The following RCN3 variants were observed in gnomAD, a reference collection of about 807,000 sequenced individuals.
The protein encoded by RCN3 is reticulocalbin-3.
A neutral mutation model predicts 35.9 loss-of-function variants in RCN3; 41 were observed. That is an observed-to-expected ratio of 1.14 (90% CI 0.89 to 1.48). The LOEUF (loss-of-function observed/expected upper bound fraction) is 1.48, where lower values mean the gene tolerates loss of function less well. Ranked by LOEUF, RCN3 falls within the 40% of genes most tolerant of loss-of-function variation. RCN3 has a pLI of 0.00. For missense variants in RCN3, 451 were observed against 471.3 expected (o/e 0.96, Z 0.40); for synonymous variants, 187 against 193.4 (o/e 0.97, Z 0.27).
chr19:49,543,522 A>C lies in RCN3; in HGVS notation c.*309A>C. The C allele has an allele frequency of 1.1e-5, 4 of 371,926 alleles. No homozygotes were observed. Among genetic ancestry groups the C allele is most frequent in the East Asian group, 5.2e-5 (1 of 19,364 alleles). The allele number at this position is 371,926 out of a possible 1,614,324, so 23.0% of individuals were successfully genotyped here. On this transcript the variant is annotated 3_prime_UTR_variant, in exon 7 of 7. Coordinates refer to ENST00000270645, the MANE Select transcript of RCN3 (RefSeq NM_020650.3). ...ACCGCCCCAACCCCTCCAGCTCCAA[A>C]TCTGAGCCTCCACCACATAGACTGA...
At chr19:49,530,068 C>G (rs561232480) in intron 2 of RCN3, among the ~76,000 whole-genome samples, 1 of 151,996 alleles carries the variant, frequency 6.6e-6, no homozygotes, top group Non-Finnish European at 1.5e-5. Flanking sequence ...TGTTCTGCCT[C>G]GTACTCCCTA....
chr19:49,528,729 C>T lies in RCN3; in HGVS notation c.242+15C>T, dbSNP rs1339818985. 2 of 1,553,728 alleles carry T rather than the reference C, an allele frequency of 1.3e-6. No individual in the cohort carries two copies. The highest frequency in any genetic ancestry group is 1.7e-6 in the Non-Finnish European group (2 of 1,147,446). ...GCCCGTCTGGGGTAAGAGAGACATTCGGTTGGGGCGTGTCCAGAGGTGGGG... is the reference window on the plus strand; with the variant it reads ...GCCCGTCTGGGGTAAGAGAGACATTTGGTTGGGGCGTGTCCAGAGGTGGGG... On this transcript the variant is annotated intron_variant, in intron 2 of 6. Transcript: ENST00000270645.
At chr19:49,538,926 T>A (rs970564209) in intron 4 of RCN3, among the ~76,000 whole-genome samples, 193 bp from the exon 5 acceptor site, 1 of 152,158 alleles carries the variant, frequency 6.6e-6, no homozygotes, top group Non-Finnish European at 1.5e-5. Context: ...AGGTGGTGCC[T>A]GTTTGATGAT....
In RCN3 at chr19:49,534,179, G is replaced by C; in HGVS notation, c.243-14G>C. ...CGGGACCAGAGCCTGACGTGTGCCC[G>C]CCCCGGCTTCTAGGCGGATCGTGGA... On this transcript the variant is annotated splice_polypyrimidine_tract_variant and intron_variant, in intron 2 of 6. Coordinates refer to ENST00000270645, the MANE Select transcript of RCN3 (RefSeq NM_020650.3). 2 of 1,479,150 alleles carry C rather than the reference G, an allele frequency of 1.4e-6. No individual in the cohort carries two copies. Among genetic ancestry groups the C allele is most frequent in the Non-Finnish European group, 1.8e-6 (2 of 1,120,698 alleles). The allele number at this position is 1,479,150 out of a possible 1,614,324, so 91.6% of individuals were successfully genotyped here. A position where few individuals can be genotyped will look rare whatever the true frequency, so the allele number is the denominator to read the frequency against.
chr19:49,534,964 C>T (rs564065431), intron 3 of RCN3, among the ~76,000 whole-genome samples: 2 of 152,214 alleles, frequency 1.3e-5, no homozygotes, highest in African/African-American at 4.8e-5. Flanking sequence ...GTGCCCCACA[C>T]CCTGCCACAC....
At chr19:49,529,244 C>T (rs2080096865) in intron 2 of RCN3, among the ~76,000 whole-genome samples, 1 of 152,140 alleles carries the variant, frequency 6.6e-6, no homozygotes, top group Admixed American at 6.6e-5. Flanking sequence ...TTAGATTCTG[C>T]CCCCTAAGCG....
intron 2 of RCN3, among the ~76,000 whole-genome samples, chr19:49,533,002 C>A (rs1330650525): frequency 6.6e-6 from 1 of 152,220 alleles, no homozygotes; most frequent in African/African-American, 2.4e-5. Context: ...CATGGCCTAA[C>A]TCATTTATTC....
chr19:49,531,482 G>C (rs897730080), intron 2 of RCN3, among the ~76,000 whole-genome samples: 1 of 152,206 alleles, frequency 6.6e-6, no homozygotes, highest in African/African-American at 2.4e-5. Flanking sequence ...ATTGAGAGTA[G>C]AACTGAGGGA....
rs1204805923 is a variant in RCN3 at position 49,530,494 on chromosome 19, T to C, written c.242+1780T>C. On this transcript the variant is annotated intron_variant, in intron 2 of 6. Transcript: ENST00000270645. ...CCAGGCCCAGGTAATTTTTCTTTTT[T>C]TTCTTTTTTTTTTTTTTTTGAGACG... Among the ~76,000 whole-genome samples, 6 of 145,354 alleles carry C rather than the reference T, an allele frequency of 4.1e-5. No homozygotes were observed. In the South Asian group the frequency reaches 1.1e-3, roughly 26 times the overall value.
chr19:49,539,216 C>T (rs376461463), intron 5 of RCN3, 37 bp downstream of exon 5: 96 of 1,535,766 alleles, frequency 6.3e-5, no homozygotes, highest in Non-Finnish European at 8.4e-5. Context: ...GATGCCTGTC[C>T]TCTCTCAGGC....
At chr19:49,537,355 C>G in intron 4 of RCN3, 150 bp downstream of exon 4, 1 of 734,298 alleles carries the variant, frequency 1.4e-6, no homozygotes, top group Non-Finnish European at 2.0e-6. Context: ...AAACACAGGT[C>G]AGAGGACGGT....
intron 4 of RCN3, among the ~76,000 whole-genome samples, chr19:49,538,232 G>T (rs1011151973): frequency 1.4e-5 from 2 of 147,318 alleles, no homozygotes; most frequent in Admixed American, 6.9e-5. Flanking sequence ...ATGCGATCTC[G>T]GCTCACTGCA....
chr19:49,539,029 A>G, intron 4 of RCN3, 90 bp from the exon 5 acceptor site: 2 of 886,008 alleles, frequency 2.3e-6, no homozygotes, highest in Non-Finnish European at 3.4e-6. Context: ...TAAATTTCCA[A>G]GAGAACCTCT....
chr19:49,541,478 A>G (rs1024944005), intron 5 of RCN3, among the ~76,000 whole-genome samples: 3 of 152,110 alleles, frequency 2.0e-5, no homozygotes, highest in African/African-American at 4.8e-5. Context: ...GGTGGGTGCC[A>G]TGGCTCACGC....
chr19:49,537,204 CTG>C lies in RCN3; in HGVS notation c.618+2_618+3del, dbSNP rs752530035. On this transcript the variant is annotated splice_donor_variant and coding_sequence_variant, in exon 4 of 7. Coordinates refer to ENST00000270645, the MANE Select transcript of RCN3 (RefSeq NM_020650.3). LOFTEE classifies it high-confidence loss of function. Reference sequence around the variant, plus strand: ...CCTCACATGCGGGACATCGTGATTGCTGTGAGTGGCGGCTGGGGAACCCTGTC... The same window carrying C: ...CCTCACATGCGGGACATCGTGATTGCTGAGTGGCGGCTGGGGAACCCTGTC... The C allele has an allele frequency of 1.4e-5, 21 of 1,505,036 alleles. No homozygotes were observed. The African/African-American group carries it at 2.3e-4, about 16-fold the overall frequency. The allele number at this position is 1,505,036 out of a possible 1,614,324, so 93.2% of individuals were successfully genotyped here.
chr19:49,542,456 G>A (rs755208716), intron 5 of RCN3, 97 bp from the exon 6 acceptor site: 12 of 824,822 alleles, frequency 1.5e-5, no homozygotes, highest in Non-Finnish European at 2.3e-5. Context: ...GTTGCTCAAG[G>A]GCCTGGTTCA....
intron 6 of RCN3, 42 bp from the exon 7 acceptor site, chr19:49,543,064 C>A: frequency 6.6e-7 from 1 of 1,522,990 alleles, no homozygotes; most frequent in Non-Finnish European, 9.1e-7. Flanking sequence ...CTTTTGAAAG[C>A]AGGGCCGTGT....
chr19:49,537,346 AAC>A, intron 4 of RCN3, 141 bp downstream of exon 4: 1 of 811,524 alleles, frequency 1.2e-6, no homozygotes, highest in Non-Finnish European at 1.8e-6. Context: ...CCAGGCCGCA[AAC>A]ACAGGTCAGA....
chr19:49,534,011 G>C (rs1237604279), intron 2 of RCN3, among the ~76,000 whole-genome samples, 182 bp from the exon 3 acceptor site: 2 of 152,174 alleles, frequency 1.3e-5, no homozygotes, highest in Non-Finnish European at 2.9e-5. Context: ...CCTAGGCTGA[G>C]GGGTAGGGTC....
Sources: allele counts gnomAD v4.1 joint callset (sites outside exome capture counted in the v4.1 genomes callset), GRCh38; gene constraint gnomAD v4.1.1; transcripts MANE v1.5; gene names NCBI Gene and HGNC (gene_info 2026-07-23, HGNC 2026-07-21).